ARHGEF3: variants seen among roughly 807,000 people sequenced by gnomAD.
The protein encoded by ARHGEF3 is 59.8 kDA protein.
Under a neutral mutation model 63.2 loss-of-function variants are expected in ARHGEF3, and 28 were observed. The observed-to-expected ratio is 0.44, with a 90% confidence interval of 0.33 to 0.61. ARHGEF3 has a LOEUF of 0.61. Among genes scored for constraint, ARHGEF3 ranks in the 20% least tolerant of loss-of-function variants. ARHGEF3 has a pLI of 0.03. For missense variants in ARHGEF3, 533 were observed against 659.3 expected (o/e 0.81, Z 2.10); for synonymous variants, 266 against 254.2 (o/e 1.05, Z -0.44).
At chr3:56,862,234 T>C (rs2040101920) in intron 4 of ARHGEF3, among the ~76,000 whole-genome samples, 1 of 151,930 alleles carries the variant, frequency 6.6e-6, no homozygotes, top group African/African-American at 2.4e-5. Context: ...ACAAAAACCT[T>C]GCAGATGACC....
chr3:57,078,015 C>T (rs1003663256), intron 1 of ARHGEF3, among the ~76,000 whole-genome samples: 1 of 152,166 alleles, frequency 6.6e-6, no homozygotes, highest in African/African-American at 2.4e-5. Context: ...GGGCTGTGCA[C>T]GCGCTGTTAG....
intron 1 of ARHGEF3, chr3:57,079,145 C>T (rs1706348600): frequency 7.8e-6 from 3 of 382,388 alleles, no homozygotes; most frequent in South Asian, 1.3e-4. Flanking sequence ...GGAGACCTAG[C>T]GGGGGTGTCC....
chr3:56,958,723 T>G, intron 3 of ARHGEF3: 1 of 1,260,814 alleles, frequency 7.9e-7, no homozygotes, highest in Non-Finnish European at 1.1e-6. Context: ...ATGGAGACTT[T>G]GATTAGTAAA....
rs2032851093 is a variant in ARHGEF3, at chr3:56,728,157, A to G, written c.*1113T>C. ...ATTCTAATTAATCAGAGTTAATGAA[A>G]TTGGCCTCTGGAGAACATAATTACA... On this transcript the variant is annotated 3_prime_UTR_variant, in exon 10 of 10. Transcript: ENST00000296315. 1 of 152,644 alleles carries G rather than the reference A, an allele frequency of 6.6e-6. No homozygotes were observed. 9.5% of individuals were successfully genotyped at this position (152,644 alleles called of 1,614,324 possible).
intron 4 of ARHGEF3, among the ~76,000 whole-genome samples, chr3:56,811,560 C>T (rs948068101): frequency 2.0e-5 from 3 of 152,162 alleles, no homozygotes; most frequent in African/African-American, 7.2e-5. Context: ...GTATTAGACA[C>T]GCTTCACAAA....
chr3:56,870,789 A>G (rs929338612), intron 4 of ARHGEF3, among the ~76,000 whole-genome samples: 7 of 149,862 alleles, frequency 4.7e-5, no homozygotes, highest in African/African-American at 1.7e-4. Flanking sequence ...TGCTCTAAAA[A>G]AAAAAAGTAA....
At chr3:56,903,848 T>C (rs2041602288) in intron 3 of ARHGEF3, among the ~76,000 whole-genome samples, 1 of 152,132 alleles carries the variant, frequency 6.6e-6, no homozygotes, top group African/African-American at 2.4e-5. Context: ...TATCTATCAA[T>C]ATACACAGTA....
chr3:57,074,194 C>G (rs747343714), intron 1 of ARHGEF3: 5 of 1,614,170 alleles, frequency 3.1e-6, no homozygotes, highest in Middle Eastern at 3.3e-4. Context: ...AACCAACTGA[C>G]ATTTACTGAG....
At chr3:56,968,269 A>AAT (rs1333790206) in intron 2 of ARHGEF3, among the ~76,000 whole-genome samples, 1,360 of 38,072 alleles carry the variant, frequency 0.036, 153 homozygotes, top group Non-Finnish European at 0.06. Flanking sequence ...TTAAATATAT[A>AAT]ATATATAAAA....
At chr3:56,952,739 C>A (rs1380852787) in intron 3 of ARHGEF3, among the ~76,000 whole-genome samples, 1 of 151,324 alleles carries the variant, frequency 6.6e-6, no homozygotes, top group East Asian at 1.9e-4. Flanking sequence ...TTAGTAATTA[C>A]CATTACAAAG....
intron 9 of ARHGEF3, chr3:56,731,815 C>T (rs2033182161): frequency 3.9e-6 from 1 of 257,532 alleles, no homozygotes; most frequent in African/African-American, 2.2e-5. Context: ...AATCCACATT[C>T]CAGTTGACCA....
intron 1 of ARHGEF3, among the ~76,000 whole-genome samples, chr3:57,048,095 C>G (rs1249192655): frequency 6.6e-6 from 1 of 152,124 alleles, no homozygotes; most frequent in Non-Finnish European, 1.5e-5. Context: ...CGCTGGCCTT[C>G]AGAGGATCCA....
chr3:56,986,414 G>A (rs1701539157), intron 2 of ARHGEF3, among the ~76,000 whole-genome samples: 2 of 152,244 alleles, frequency 1.3e-5, no homozygotes, highest in Admixed American at 1.3e-4. Context: ...GCCCCTGGGA[G>A]CTGTAGACAG....
chr3:56,875,117 C>G (rs1404275306), intron 4 of ARHGEF3, among the ~76,000 whole-genome samples: 1 of 152,148 alleles, frequency 6.6e-6, no homozygotes, highest in Non-Finnish European at 1.5e-5. Flanking sequence ...TTTATAACTT[C>G]TATCCACTCC....
chr3:57,053,204 C>G (rs991298455), intron 1 of ARHGEF3, among the ~76,000 whole-genome samples: 1 of 152,178 alleles, frequency 6.6e-6, no homozygotes, highest in Non-Finnish European at 1.5e-5. Flanking sequence ...CCCTCTCAAG[C>G]GCCTGCTCTC....
Position 56,729,547 on chromosome 3 carries a change from A to C in ARHGEF3, c.1304T>G (p.Phe435Cys). The change falls in exon 10 of 10, where the codon TTC becomes TGC. Residue 435 changes from phenylalanine (F) to cysteine (C), a missense_variant. Around this residue, in one of 4 missense-constraint regions of ARHGEF3, gnomAD observed 151 missense variants for 190.7 expected, o/e 0.79. Transcript: ENST00000296315. ...ACAGTTAAGCCACTGCTGTTTGTTGAAAGTGTCATTGGCTTGTAGCGAGTG... is the reference window on the plus strand; with the variant it reads ...ACAGTTAAGCCACTGCTGTTTGTTGCAAGTGTCATTGGCTTGTAGCGAGTG... ...QTHSLQANDT[F>C]NKQQWLNCIR... 1 of 1,614,162 alleles carries C rather than the reference A, an allele frequency of 6.2e-7. No homozygotes were observed.
At chr3:57,029,156 C>T (rs1287532706) in intron 2 of ARHGEF3, among the ~76,000 whole-genome samples, 1 of 152,164 alleles carries the variant, frequency 6.6e-6, no homozygotes, top group African/African-American at 2.4e-5. Flanking sequence ...TTGGGCCGGG[C>T]GTGGTGGCTC....
Position 57,053,634 on chromosome 3 carries a change from AAAG to A in ARHGEF3, c.-27-18461_-27-18459del, listed in dbSNP as rs532368444. Among the ~76,000 whole-genome samples the A allele has an allele frequency of 7.2e-5, 11 of 152,354 alleles. No individual in the cohort carries two copies. In the South Asian group the frequency reaches 2.1e-3, roughly 29 times the overall value. Reference sequence around the variant, plus strand: ...ATATAAAACAGTTCCTGTCTCCTAGAAAGAAGGCTTCCTTATGTTCCTTCCCAA... The same window carrying A: ...ATATAAAACAGTTCCTGTCTCCTAGAAAGGCTTCCTTATGTTCCTTCCCAA... On this transcript the variant is annotated intron_variant, in intron 1 of 12. Transcript: ENST00000338458.
At chr3:56,839,149 A>AT (rs2039225755) in intron 4 of ARHGEF3, among the ~76,000 whole-genome samples, 8 of 150,898 alleles carry the variant, frequency 5.3e-5, no homozygotes, top group Admixed American at 2.6e-4. Flanking sequence ...AAAAAAAAAA[A>AT]ATTTTTTTTT....
Sources: allele counts gnomAD v4.1 joint callset (sites outside exome capture counted in the v4.1 genomes callset), GRCh38; gene constraint gnomAD v4.1.1; regional missense constraint gnomAD v4.1.1; transcripts MANE v1.5; gene names NCBI Gene and HGNC (gene_info 2026-07-23, HGNC 2026-07-21).